RGSL1: variants seen among roughly 807,000 people sequenced by gnomAD.
RGSL1 encodes the protein regulator of G protein signaling protein-like.
Under a neutral mutation model 124.7 loss-of-function variants are expected in RGSL1, and 97 were observed. The ratio of observed to expected loss-of-function variants is 0.78; its 90% CI spans 0.66 to 0.92. The LOEUF (loss-of-function observed/expected upper bound fraction) is 0.92, where lower values mean the gene tolerates loss of function less well. Ranked by LOEUF, RGSL1 falls within the 40% of genes least tolerant of loss-of-function variation. RGSL1 has a pLI of 0.00. For missense variants in RGSL1, 1,233 were observed against 1,288.4 expected (o/e 0.96, Z 0.66); for synonymous variants, 424 against 438.1 (o/e 0.97, Z 0.40).
At chr1:182,454,076 C>A in intron 2 of RGSL1, 36 bp downstream of exon 2, 1 of 1,230,178 alleles carries the variant, frequency 8.1e-7, no homozygotes, top group Non-Finnish European at 1.2e-6. Context: ...AATATTTCAT[C>A]AGCAGCTGAA....
At chr1:182,559,766 G>C (rs1661068221) in intron 21 of RGSL1, among the ~76,000 whole-genome samples, 1 of 152,058 alleles carries the variant, frequency 6.6e-6, no homozygotes, top group Non-Finnish European at 1.5e-5. Flanking sequence ...ATTGCCTAAA[G>C]GGCCCTTCCC....
chr1:182,510,415 G>A lies in RGSL1; in HGVS notation c.1826-11589G>A, dbSNP rs1353587510. Among the ~76,000 whole-genome samples, 2 of 42,242 alleles carry A rather than the reference G, an allele frequency of 4.7e-5. 1 individual carries two copies. The highest frequency in any genetic ancestry group is 1.1e-4 in the Non-Finnish European group (2 of 18,448). The allele number at this position is 42,242 out of a possible 152,430, so 27.7% of individuals were successfully genotyped here. ...TTGAGCACTGAGTGAACGAGACTCCGTCTGCAATCCCGGCACCTCGGGAGG... is the reference window on the plus strand; with the variant it reads ...TTGAGCACTGAGTGAACGAGACTCCATCTGCAATCCCGGCACCTCGGGAGG... On this transcript the variant is annotated intron_variant, in intron 9 of 21. Transcript: ENST00000294854.
rs1341351759 is a variant in RGSL1 at position 182,469,580 on chromosome 1, G to A, written c.302-2816G>A. 2.6e-5 allele frequency among the ~76,000 whole-genome samples: 4 copies of A among 152,266 alleles called. No homozygotes were observed. In the East Asian group the frequency reaches 7.7e-4, roughly 29 times the overall value. On this transcript the variant is annotated intron_variant, in intron 4 of 21. Transcript: ENST00000294854. Reference sequence around the variant, plus strand: ...GCGGGACTGTAAAATGGTACAAACTGTGGAAAATAGCATGGAGGTTTCTCA... The same window carrying A: ...GCGGGACTGTAAAATGGTACAAACTATGGAAAATAGCATGGAGGTTTCTCA...
At chr1:182,452,078 A>C (rs1651887480) in intron 1 of RGSL1, among the ~76,000 whole-genome samples, 1 of 152,106 alleles carries the variant, frequency 6.6e-6, no homozygotes, top group Admixed American at 6.6e-5. Flanking sequence ...TTTCAGGATT[A>C]GATAATTTAT....
chr1:182,510,982 T>C (rs1461089900), intron 9 of RGSL1, among the ~76,000 whole-genome samples: 1 of 152,190 alleles, frequency 6.6e-6, no homozygotes, highest in Non-Finnish European at 1.5e-5. Flanking sequence ...TTTTTTCTTT[T>C]GAAGTCTTAC....
intron 9 of RGSL1, among the ~76,000 whole-genome samples, chr1:182,504,709 G>A (rs1159115951): frequency 6.6e-6 from 1 of 151,960 alleles, no homozygotes; most frequent in East Asian, 1.9e-4. Flanking sequence ...TGAAGTCTTA[G>A]TTCTGTTAGC....
At chr1:182,456,839 GAAGT>G (rs1652373516) in intron 2 of RGSL1, among the ~76,000 whole-genome samples, 1 of 152,048 alleles carries the variant, frequency 6.6e-6, no homozygotes. Flanking sequence ...TGTGAAGTAG[GAAGT>G]ATTTTCCCTT....
intron 9 of RGSL1, among the ~76,000 whole-genome samples, chr1:182,509,883 G>T (rs1384711249): frequency 1.4e-5 from 2 of 142,190 alleles, no homozygotes; most frequent in Non-Finnish European, 3.1e-5. Context: ...CTTCCCAGAT[G>T]GGGTGGCTGC....
At chr1:182,537,447 G>A (rs981557386) in intron 14 of RGSL1, among the ~76,000 whole-genome samples, 5 of 152,140 alleles carry the variant, frequency 3.3e-5, no homozygotes, top group African/African-American at 1.2e-4. Flanking sequence ...TTCAGATAAA[G>A]TATATTCAAC....
intron 3 of RGSL1, among the ~76,000 whole-genome samples, chr1:182,459,575 CAT>C (rs2101994027): frequency 6.6e-6 from 1 of 152,248 alleles, no homozygotes; most frequent in South Asian, 2.1e-4. Context: ...TGTTTTTGTA[CAT>C]ATAGTGCAAT....
chr1:182,474,590 A>C (rs1558265398), intron 6 of RGSL1, 48 bp downstream of exon 6: 3 of 1,482,060 alleles, frequency 2.0e-6, no homozygotes, highest in Non-Finnish European at 2.7e-6. Flanking sequence ...AATTAGGTCA[A>C]AACTGACTAA....
At chr1:182,525,520 C>A (rs1004072783) in intron 10 of RGSL1, among the ~76,000 whole-genome samples, 15 of 151,914 alleles carry the variant, frequency 9.9e-5, no homozygotes, top group Non-Finnish European at 1.8e-4. Flanking sequence ...TAGAGGCAAT[C>A]AATAACAGAT....
chr1:182,540,611 A>G (rs1387874348), intron 15 of RGSL1, among the ~76,000 whole-genome samples, 190 bp downstream of exon 15: 1 of 152,146 alleles, frequency 6.6e-6, no homozygotes, highest in Non-Finnish European at 1.5e-5. Flanking sequence ...TTTGGGTGCT[A>G]AAAGCTCTTC....
chr1:182,531,472 C>T (rs1659169356), intron 13 of RGSL1, among the ~76,000 whole-genome samples: 2 of 152,138 alleles, frequency 1.3e-5, no homozygotes, highest in East Asian at 1.9e-4. Flanking sequence ...CAAAAAAATA[C>T]ATGCCCCCTT....
At chr1:182,527,377 G>A (rs1363253762) in intron 10 of RGSL1, among the ~76,000 whole-genome samples, 1 of 152,018 alleles carries the variant, frequency 6.6e-6, no homozygotes, top group Non-Finnish European at 1.5e-5. Context: ...GGAAGATATT[G>A]GACCAAGCTT....
chr1:182,558,346 T>C lies in RGSL1; in HGVS notation c.*166-1933T>C, dbSNP rs538741822. Among the ~76,000 whole-genome samples, 41 of 152,308 alleles carry C rather than the reference T, an allele frequency of 2.7e-4. 1 individual carries two copies. Among genetic ancestry groups the C allele is most frequent in the Admixed American group, 7.8e-4 (12 of 15,302 alleles). On this transcript the variant is annotated intron_variant, in intron 21 of 21. Transcript: ENST00000294854. The stretch of plus-strand genomic sequence containing the variant: ...AGAAAGAGGGACCAGGTAAGGAACC[T>C]GGCCTACTTCAGTTCCTGTGTTAGT...
intron 17 of RGSL1, 92 bp downstream of exon 17, chr1:182,548,916 G>A (rs757775693): frequency 7.3e-5 from 105 of 1,446,824 alleles, no homozygotes; most frequent in African/African-American, 1.0e-4. Flanking sequence ...ACTCTGTTTC[G>A]TAGTTTCCAG....
chr1:182,559,743 C>A (rs760851211), intron 21 of RGSL1, among the ~76,000 whole-genome samples: 14 of 152,168 alleles, frequency 9.2e-5, no homozygotes, highest in Admixed American at 2.0e-4. Flanking sequence ...CACCATTCTC[C>A]AGCAACTTGG....
chr1:182,544,816 CT>C (rs1179107781), intron 15 of RGSL1, among the ~76,000 whole-genome samples: 2 of 151,996 alleles, frequency 1.3e-5, no homozygotes, highest in African/African-American at 4.8e-5. Context: ...TATCCCAGCT[CT>C]TTTTTTGGTT....
Sources: gnomAD v4.1 joint callset for allele counts (sites outside exome capture counted in the v4.1 genomes callset) on GRCh38, gnomAD v4.1.1 for gene constraint, MANE v1.5 for transcripts, NCBI Gene and HGNC (gene_info 2026-07-23, HGNC 2026-07-21) for gene names.